The following FAM53A variants were observed in gnomAD, a reference collection of about 807,000 sequenced individuals.
FAM53A encodes the protein family with sequence similarity 53 member A, also known as protein FAM53A.
Under a neutral mutation model 26.6 loss-of-function variants are expected in FAM53A, and 28 were observed. The ratio of observed to expected loss-of-function variants is 1.05; its 90% CI spans 0.78 to 1.45. FAM53A has a LOEUF of 1.45. Among genes scored for constraint, FAM53A ranks in the 40% most tolerant of loss-of-function variants. The pLI is 0.00. For missense variants in FAM53A, 650 were observed against 575.8 expected, an observed-to-expected ratio of 1.13 and a Z score of -1.32; for synonymous variants, 290 against 253.1, an observed-to-expected ratio of 1.15 and a Z score of -1.38.
intron 2 of FAM53A, among the ~76,000 whole-genome samples, chr4:1,663,424 G>T (rs1307290554): frequency 6.6e-6 from 1 of 152,172 alleles, no homozygotes; most frequent in Non-Finnish European, 1.5e-5. Context: ...AATGTTCACA[G>T]CTGCATTATC....
chr4:1,587,655 GA>G, the FAM53A span, among the ~76,000 whole-genome samples: 1 of 152,128 alleles, frequency 6.6e-6, no homozygotes, highest in Non-Finnish European at 1.5e-5. Context: ...CTAGGTGACA[GA>G]GCGAGACTCT....
intron 1 of FAM53A, among the ~76,000 whole-genome samples, chr4:1,634,010 C>T (rs111346385): frequency 1.3e-5 from 2 of 152,062 alleles, no homozygotes; most frequent in African/African-American, 2.4e-5. Context: ...CAGGGACACC[C>T]GGGAGGACCA....
At chr4:1,632,330 G>C (rs541659955) in intron 1 of FAM53A, among the ~76,000 whole-genome samples, 6 of 152,290 alleles carry the variant, frequency 3.9e-5, no homozygotes, top group African/African-American at 1.4e-4. Flanking sequence ...ACCACGTGCA[G>C]ACAGGGAGAT....
intron 1 of FAM53A, chr4:1,683,504 G>A (rs1188840474): frequency 6.6e-6 from 1 of 152,076 alleles, no homozygotes; most frequent in Non-Finnish European, 1.5e-5. Flanking sequence ...AAGCAACAGA[G>A]AAAACTCACT....
At chr4:1,581,599 T>C in the FAM53A span, among the ~76,000 whole-genome samples, 1 of 152,126 alleles carries the variant, frequency 6.6e-6, no homozygotes, top group Non-Finnish European at 1.5e-5. Context: ...TCTTTTTTTG[T>C]TTTGTTTTGT....
chr4:1,612,435 G>A, the FAM53A span, among the ~76,000 whole-genome samples: 2 of 152,102 alleles, frequency 1.3e-5, no homozygotes, highest in Admixed American at 6.5e-5. Context: ...CAGCCAGCAC[G>A]CTCGAGGGGT....
chr4:1,681,441 C>G (rs1164581859), intron 1 of FAM53A, among the ~76,000 whole-genome samples: 2 of 151,958 alleles, frequency 1.3e-5, no homozygotes, highest in Admixed American at 6.6e-5. Context: ...CCACGCCCGG[C>G]TGAACTCGCT....
intron 1 of FAM53A, among the ~76,000 whole-genome samples, chr4:1,624,946 A>G (rs1231353895): frequency 1.4e-5 from 2 of 142,348 alleles, no homozygotes; most frequent in Non-Finnish European, 3.0e-5. Flanking sequence ...ACGCCAAGTG[A>G]TCAGAAGCCC....
At chr4:1,600,559 C>T in the FAM53A span, among the ~76,000 whole-genome samples, 2 of 152,242 alleles carry the variant, frequency 1.3e-5, no homozygotes, top group Non-Finnish European at 2.9e-5. Context: ...CCCACACGGC[C>T]AGGGTGAGCA....
intron 1 of FAM53A, among the ~76,000 whole-genome samples, chr4:1,673,893 G>C (rs1200388419): frequency 1.3e-5 from 2 of 152,262 alleles, no homozygotes; most frequent in Admixed American, 6.5e-5. Context: ...GCAGCTCCCT[G>C]CTGGGAGCCC....
chr4:1,613,610 CGT>C (rs1714705632), downstream of FAM53A, among the ~76,000 whole-genome samples: 2 of 152,152 alleles, frequency 1.3e-5, no homozygotes, highest in Non-Finnish European at 1.5e-5. Flanking sequence ...CGTGGCTATG[CGT>C]GTGTGTGTCA....
intron 4 of FAM53A, among the ~76,000 whole-genome samples, chr4:1,643,567 ATTT>A (rs71167742): frequency 2.1e-5 from 3 of 140,582 alleles, no homozygotes; most frequent in African/African-American, 2.6e-5. Flanking sequence ...CTAAAGAATA[ATTT>A]TTTTTTTTTT....
At chr4:1,661,709 G>A (rs1332925523) in intron 2 of FAM53A, among the ~76,000 whole-genome samples, 6 of 150,720 alleles carry the variant, frequency 4.0e-5, no homozygotes, top group Admixed American at 2.0e-4. Context: ...TTGCTGCTCC[G>A]GCAGCTCAGC....
chr4:1,675,658 G>A (rs1460910338), intron 1 of FAM53A, among the ~76,000 whole-genome samples: 1 of 152,026 alleles, frequency 6.6e-6, no homozygotes, highest in Non-Finnish European at 1.5e-5. Context: ...CTGGAGGACC[G>A]CAGCAGCCTA....
the FAM53A span, among the ~76,000 whole-genome samples, chr4:1,610,674 C>G: frequency 6.6e-6 from 1 of 151,990 alleles, no homozygotes; most frequent in Non-Finnish European, 1.5e-5. Flanking sequence ...GGGTGGGGGA[C>G]AGAGGCCTGG....
chr4:1,635,503 A>T (rs1240469472), downstream of FAM53A, among the ~76,000 whole-genome samples: 3 of 152,020 alleles, frequency 2.0e-5, no homozygotes, highest in Admixed American at 1.3e-4. Context: ...CAAACTCCTG[A>T]ACTCAAGCAA....
Position 1,668,715 on chromosome 4 carries a change from C to G in FAM53A, c.27G>C (p.Leu9=). Residue 9 remains leucine (L), a synonymous_variant, in exon 2 of 5, where the codon CTG becomes CTC. Transcript: ENST00000308132. MVTLITEK[L]QSQSLDDLTC... ...TGAGGTCGTCCAGGCTCTGGCTCTG[C>G]AGCTTCTCAGTGATGAGTGTGACCA... The G allele has an allele frequency of 6.2e-7, 1 of 1,614,196 alleles. No homozygotes were observed. The highest frequency in any genetic ancestry group is 8.5e-7 in the Non-Finnish European group (1 of 1,180,022).
At chr4:1,631,560 G>A (rs948236652) in intron 1 of FAM53A, among the ~76,000 whole-genome samples, 2 of 152,168 alleles carry the variant, frequency 1.3e-5, no homozygotes, top group African/African-American at 4.8e-5. Flanking sequence ...AGCTGAAGGC[G>A]CCCAACCACA....
chr4:1,653,275 C>G (rs1011466709), intron 4 of FAM53A, among the ~76,000 whole-genome samples: 1 of 152,222 alleles, frequency 6.6e-6, no homozygotes, highest in African/African-American at 2.4e-5. Context: ...CCACACCTCA[C>G]ACTCTACCGG....
Sources: allele counts gnomAD v4.1 joint callset (sites outside exome capture counted in the v4.1 genomes callset), GRCh38; gene constraint gnomAD v4.1.1; transcripts MANE v1.5; gene names NCBI Gene and HGNC (gene_info 2026-07-23, HGNC 2026-07-21).